The following AIG1 variants were observed in gnomAD, a reference collection of about 807,000 sequenced individuals.
AIG1 encodes androgen induced 1.
A neutral mutation model predicts 31.4 loss-of-function variants in AIG1; 23 were observed. The observed-to-expected ratio is 0.73, with a 90% CI of 0.53 to 1.04. The LOEUF (loss-of-function observed/expected upper bound fraction) is 1.04. AIG1 is among the 50% of genes least tolerant of loss of function. The pLI is 0.00. For synonymous variants in AIG1, 100 were observed against 110.5 expected, an observed-to-expected ratio of 0.90 and a Z score of 0.60; for missense variants, 274 against 295.0, an observed-to-expected ratio of 0.93 and a Z score of 0.52.
In AIG1 at chr6:143,298,354, G is replaced by C. The variant is rs532990899; in HGVS notation, c.515+14129G>C. Among the ~76,000 whole-genome samples, 1 of 152,176 alleles carries C rather than the reference G, an allele frequency of 6.6e-6. No individual in the cohort carries two copies. The highest frequency in any genetic ancestry group is 1.5e-5 in the Non-Finnish European group (1 of 68,034). ...CCTTATTCTCCCTTTGCCACACAAA[G>C]TGTCTAGCCACACATGCTAAACTTA... On this transcript the variant is annotated intron_variant, in intron 4 of 5. Coordinates refer to ENST00000357847, the MANE Select transcript of AIG1 (RefSeq NM_016108.4). This position sits in a 1 kb window ranked among gnomAD's most constrained non-coding sequence, Gnocchi z 5.1.
chr6:143,172,360 C>T (rs1787719493), intron 3 of AIG1, among the ~76,000 whole-genome samples: 1 of 152,156 alleles, frequency 6.6e-6, no homozygotes. Context: ...TCACATGGTG[C>T]ATCACATTTA....
At chr6:143,136,364 C>T (rs1783748347) in intron 1 of AIG1, among the ~76,000 whole-genome samples, 1 of 152,136 alleles carries the variant, frequency 6.6e-6, no homozygotes, top group African/African-American at 2.4e-5. Flanking sequence ...AAGTTTTTCA[C>T]ATTTAGACTG....
intron 3 of AIG1, among the ~76,000 whole-genome samples, chr6:143,282,192 A>C (rs1797382891): frequency 6.6e-6 from 1 of 152,240 alleles, no homozygotes; most frequent in Admixed American, 6.5e-5. Flanking sequence ...TGGAGCAATG[A>C]ATGAAGGGTA....
At chr6:143,238,105 T>A (rs1462391003) in intron 3 of AIG1, among the ~76,000 whole-genome samples, 1 of 152,106 alleles carries the variant, frequency 6.6e-6, no homozygotes, top group Non-Finnish European at 1.5e-5. Flanking sequence ...CATGCCTGGC[T>A]AATTTTTGTA....
At position 143,324,878 on chromosome 6, in the gene AIG1, G is replaced by A. The variant is rs77755183; in HGVS notation, c.516-8404G>A. Among the ~76,000 whole-genome samples the A allele has an allele frequency of 1.6e-4, 24 of 152,126 alleles. No individual in the cohort carries two copies. In the East Asian group the frequency reaches 4.5e-3, roughly 28 times the overall value. Reference sequence around the variant, plus strand: ...CTAGAAGAGTAAAGGATGATATATCGACCTCACTGCGCCCTCAAGGGCTCC... The same window carrying A: ...CTAGAAGAGTAAAGGATGATATATCAACCTCACTGCGCCCTCAAGGGCTCC... On this transcript the variant is annotated intron_variant, in intron 4 of 5. Transcript: ENST00000357847.
intron 3 of AIG1, among the ~76,000 whole-genome samples, chr6:143,261,166 C>G (rs576995807): frequency 2.0e-5 from 3 of 152,124 alleles, no homozygotes; most frequent in Non-Finnish European, 4.4e-5. Flanking sequence ...GAGTCTCCCT[C>G]TGTCACTCAG....
rs938507285 is a variant in AIG1, at chr6:143,299,987, C to T, written c.515+15762C>T. Reference sequence around the variant, plus strand: ...TCTGACACTGCTGTGAAACATCCACCGTGCACCACCACCGGGCTAGAATCT... The same window carrying T: ...TCTGACACTGCTGTGAAACATCCACTGTGCACCACCACCGGGCTAGAATCT... On this transcript the variant is annotated intron_variant, in intron 4 of 5. Transcript: ENST00000357847. This position sits in a 1 kb window ranked among gnomAD's most constrained non-coding sequence, Gnocchi z 4.1. Among the ~76,000 whole-genome samples, 4 of 152,170 alleles carry T rather than the reference C, an allele frequency of 2.6e-5. No individual in the cohort carries two copies. The highest frequency in any genetic ancestry group is 9.6e-5 in the African/African-American group (4 of 41,454).
intron 1 of AIG1, among the ~76,000 whole-genome samples, chr6:143,085,381 G>A (rs1448723270): frequency 1.3e-5 from 2 of 152,052 alleles, no homozygotes; most frequent in Non-Finnish European, 1.5e-5. Context: ...TATTGGATTC[G>A]TTACGCTCAC....
At chr6:143,077,360 T>C (rs1030520059) in intron 1 of AIG1, among the ~76,000 whole-genome samples, 2 of 152,226 alleles carry the variant, frequency 1.3e-5, no homozygotes, top group African/African-American at 4.8e-5. Context: ...TTAGAATTTA[T>C]TTCAGCATTT....
chr6:143,318,479 A>G (rs1429499073), intron 4 of AIG1, among the ~76,000 whole-genome samples: 1 of 152,184 alleles, frequency 6.6e-6, no homozygotes, highest in Non-Finnish European at 1.5e-5. Flanking sequence ...ACAGAAATCA[A>G]CTCAAGATGG....
intron 1 of AIG1, among the ~76,000 whole-genome samples, chr6:143,110,542 A>G (rs2128490542): frequency 6.6e-6 from 1 of 152,318 alleles, no homozygotes; most frequent in Middle Eastern, 3.4e-3. Flanking sequence ...ATTCCTAGTT[A>G]TGTGTCCTCT....
intron 1 of AIG1, among the ~76,000 whole-genome samples, chr6:143,070,166 TTTTG>T (rs1437265977): frequency 2.6e-5 from 4 of 152,214 alleles, no homozygotes; most frequent in Admixed American, 2.0e-4. Context: ...TACTTTTCCT[TTTTG>T]TTTAAATTTA....
At chr6:143,114,574 A>G (rs1781582143) in intron 1 of AIG1, among the ~76,000 whole-genome samples, 1 of 152,368 alleles carries the variant, frequency 6.6e-6, no homozygotes, top group South Asian at 2.1e-4. Flanking sequence ...GACATAGTGC[A>G]TTACAATTGG....
rs1796305279 is a variant in AIG1 at position 143,268,541 on chromosome 6, C to A, written c.400-15569C>A. 6.6e-6 allele frequency among the ~76,000 whole-genome samples: 1 copy of A among 152,192 alleles called. No homozygotes were observed. The highest frequency in any genetic ancestry group is 1.5e-5 in the Non-Finnish European group (1 of 68,036). ...CCATATATAAAATTACAGGGGCTGA[C>A]TATAGCACCAAAATTAGGTGGTGGT... On this transcript the variant is annotated intron_variant, in intron 3 of 5. Coordinates refer to ENST00000357847, the MANE Select transcript of AIG1 (RefSeq NM_016108.4). This position sits in a 1 kb window ranked among gnomAD's most constrained non-coding sequence, Gnocchi z 5.0.
At chr6:143,179,074 T>A (rs1788482280) in intron 3 of AIG1, among the ~76,000 whole-genome samples, 1 of 151,304 alleles carries the variant, frequency 6.6e-6, no homozygotes, top group Non-Finnish European at 1.5e-5. Flanking sequence ...GGGGCTTGAG[T>A]AGAGTACACA....
intron 1 of AIG1, among the ~76,000 whole-genome samples, chr6:143,074,621 A>G (rs948084046): frequency 6.6e-6 from 1 of 152,186 alleles, no homozygotes; most frequent in African/African-American, 2.4e-5. Context: ...TCAGCAACTT[A>G]CTGTTTTGAT....
At chr6:143,276,377 T>C (rs530952824) in intron 3 of AIG1, among the ~76,000 whole-genome samples, 3 of 152,340 alleles carry the variant, frequency 2.0e-5, no homozygotes, top group African/African-American at 7.2e-5. Flanking sequence ...TCAGTAAGTA[T>C]TGTTCTGTCT....
intron 3 of AIG1, among the ~76,000 whole-genome samples, chr6:143,240,739 T>C (rs908125077): frequency 5.9e-5 from 9 of 152,202 alleles, no homozygotes; most frequent in African/African-American, 2.2e-4. Context: ...ATAAATTTTT[T>C]AAAAAACCAG....
At chr6:143,194,550 TG>T (rs1790068030) in intron 3 of AIG1, among the ~76,000 whole-genome samples, 1 of 152,218 alleles carries the variant, frequency 6.6e-6, no homozygotes, top group Non-Finnish European at 1.5e-5. Context: ...GATCATAACT[TG>T]GGTTGACTTA....
Sources: gnomAD v4.1 joint callset for allele counts (sites outside exome capture counted in the v4.1 genomes callset) on GRCh38, gnomAD v4.1.1 for gene constraint, Gnocchi (gnomAD v3.1) non-coding constraint, MANE v1.5 for transcripts, NCBI Gene and HGNC (gene_info 2026-07-23, HGNC 2026-07-21) for gene names.